Variants in ROPN1L observed in about 807,000 individuals in gnomAD.
ROPN1L encodes ropporin-1-like protein.
Under a neutral mutation model 22.7 loss-of-function variants are expected in ROPN1L, and 23 were observed. The ratio of observed to expected loss-of-function variants is 1.01; its 90% CI spans 0.73 to 1.43. The LOEUF (loss-of-function observed/expected upper bound fraction) is 1.43, where lower values mean the gene tolerates loss of function less well. ROPN1L is among the 40% of genes most tolerant of loss of function. The probability of loss-of-function intolerance (pLI) is 0.00; values close to 1 mark genes in which losing one functional copy is unlikely to be tolerated. For synonymous variants in ROPN1L, 116 were observed against 117.8 expected, an observed-to-expected ratio of 0.98 and a Z score of 0.10; for missense variants, 271 against 291.5, an observed-to-expected ratio of 0.93 and a Z score of 0.51.
chr5:10,465,359 C>CA (rs1315346543), downstream of ROPN1L, among the ~76,000 whole-genome samples: 1 of 150,928 alleles, frequency 6.6e-6, no homozygotes, highest in Non-Finnish European at 1.5e-5. Flanking sequence ...ACTAAAAATA[C>CA]AAAAAAATTA....
At chr5:10,452,406 G>T (rs1741289388) in intron 3 of ROPN1L, among the ~76,000 whole-genome samples, 1 of 148,802 alleles carries the variant, frequency 6.7e-6, no homozygotes, top group South Asian at 2.1e-4. Flanking sequence ...GTGCGATCTG[G>T]GCTCACTGCC....
the ROPN1L span, among the ~76,000 whole-genome samples, chr5:10,480,040 A>G: frequency 1.3e-5 from 2 of 152,138 alleles, no homozygotes; most frequent in African/African-American, 4.8e-5. Context: ...CACTGTGCCC[A>G]GCCAACATGT....
intron 1 of ROPN1L, among the ~76,000 whole-genome samples, chr5:10,444,798 C>T (rs1741002066): frequency 6.6e-6 from 1 of 151,264 alleles, no homozygotes; most frequent in African/African-American, 2.4e-5. Context: ...ACATGGGAGG[C>T]TGAGGCAGGA....
intron 3 of ROPN1L, among the ~76,000 whole-genome samples, chr5:10,457,142 A>G (rs947136580): frequency 2.0e-5 from 3 of 152,186 alleles, no homozygotes; most frequent in Non-Finnish European, 4.4e-5. Context: ...CGGTGCCTGC[A>G]GCTCCACGGA....
intron 3 of ROPN1L, 36 bp from the exon 4 acceptor site, chr5:10,461,148 A>C: frequency 6.3e-7 from 1 of 1,584,602 alleles, no homozygotes; most frequent in South Asian, 1.1e-5. Flanking sequence ...GCCAGGAGTA[A>C]CTGTTTTTCT....
At chr5:10,447,894 A>C (rs971957652) in intron 1 of ROPN1L, among the ~76,000 whole-genome samples, 3 of 151,986 alleles carry the variant, frequency 2.0e-5, no homozygotes, top group Non-Finnish European at 4.4e-5. Context: ...AAATTTAGGA[A>C]AAAAAAAGAA....
downstream of ROPN1L, among the ~76,000 whole-genome samples, chr5:10,475,208 A>G (rs1437052497): frequency 2.6e-5 from 4 of 152,158 alleles, no homozygotes; most frequent in African/African-American, 9.7e-5. Flanking sequence ...CTGCAGTTCT[A>G]CAAGCCACAG....
At chr5:10,445,253 G>C (rs966630526) in intron 1 of ROPN1L, among the ~76,000 whole-genome samples, 1 of 152,166 alleles carries the variant, frequency 6.6e-6, no homozygotes, top group African/African-American at 2.4e-5. Flanking sequence ...TTATAGGCTT[G>C]AGCCACCGCG....
intron 4 of ROPN1L, among the ~76,000 whole-genome samples, chr5:10,464,564 A>G (rs1735116152): frequency 6.6e-6 from 1 of 152,208 alleles, no homozygotes; most frequent in Admixed American, 6.5e-5. Context: ...TGCAGCAGCC[A>G]CTTCTCCCAC....
downstream of ROPN1L, among the ~76,000 whole-genome samples, chr5:10,467,737 G>T (rs145047345): frequency 2.4e-3 from 364 of 152,346 alleles, no homozygotes; most frequent in African/African-American, 8.4e-3. Context: ...GACTCAGCTT[G>T]CAGCTTCATT....
chr5:10,475,627 A>G (rs1375185991), downstream of ROPN1L, among the ~76,000 whole-genome samples: 2 of 152,230 alleles, frequency 1.3e-5, no homozygotes, highest in African/African-American at 2.4e-5. Flanking sequence ...AAAAATAAAT[A>G]AAAAATAATG....
At chr5:10,446,487 C>T (rs1057485541) in intron 1 of ROPN1L, among the ~76,000 whole-genome samples, 2 of 152,074 alleles carry the variant, frequency 1.3e-5, no homozygotes, top group African/African-American at 4.8e-5. Flanking sequence ...ATGGTGAAAC[C>T]CCGTCTCTAA....
intron 2 of ROPN1L, 119 bp downstream of exon 2, chr5:10,448,502 C>A: frequency 8.9e-7 from 1 of 1,126,604 alleles, no homozygotes; most frequent in African/African-American, 1.6e-5. Context: ...CTCCTGAGGT[C>A]CCTGAAATCC....
At chr5:10,478,846 A>T in the ROPN1L span, among the ~76,000 whole-genome samples, 134 of 152,318 alleles carry the variant, frequency 8.8e-4, no homozygotes, top group Non-Finnish European at 1.6e-3. Context: ...AGAAAATAAG[A>T]ATAGTTTTCT....
At chr5:10,469,818 G>A (rs958972438), downstream of ROPN1L, among the ~76,000 whole-genome samples, 2 of 152,200 alleles carry the variant, frequency 1.3e-5, no homozygotes, top group African/African-American at 4.8e-5. Flanking sequence ...ATGAAAGCAG[G>A]GATGACTCCA....
downstream of ROPN1L, among the ~76,000 whole-genome samples, chr5:10,467,485 C>A (rs1417299629): frequency 6.6e-6 from 1 of 152,134 alleles, no homozygotes; most frequent in Non-Finnish European, 1.5e-5. Flanking sequence ...CAGGGCTTCA[C>A]TGTTGAAAGG....
At chr5:10,445,078 A>T (rs948847176) in intron 1 of ROPN1L, among the ~76,000 whole-genome samples, 1 of 151,518 alleles carries the variant, frequency 6.6e-6, no homozygotes, top group African/African-American at 2.4e-5. Flanking sequence ...GGTTCAAGCA[A>T]TTCTGCCTTA....
At chr5:10,465,029 C>A, downstream of ROPN1L, 1 of 705,624 alleles carries the variant, frequency 1.4e-6, no homozygotes, top group Non-Finnish European at 2.4e-6. Flanking sequence ...GAATCACACA[C>A]CTCTGTAGTG....
chr5:10,450,762 C>A (rs892787459), intron 3 of ROPN1L, among the ~76,000 whole-genome samples: 4 of 152,148 alleles, frequency 2.6e-5, no homozygotes, highest in Non-Finnish European at 5.9e-5. Context: ...CCTTGGCCTC[C>A]CAAAGTGTTG....
Sources: gnomAD v4.1 joint callset for allele counts (sites outside exome capture counted in the v4.1 genomes callset) on GRCh38, gnomAD v4.1.1 for gene constraint, MANE v1.5 for transcripts, NCBI Gene and HGNC (gene_info 2026-07-23, HGNC 2026-07-21) for gene names.